The following PDE4D variants were observed in gnomAD, a reference collection of about 807,000 sequenced individuals.
PDE4D encodes the protein 3',5'-cyclic-AMP phosphodiesterase 4D.
PDE4D carries 24 observed loss-of-function variants against 87.4 expected under a neutral mutation model. That is an observed-to-expected ratio of 0.27 (90% CI 0.20 to 0.39). PDE4D has a LOEUF of 0.39. PDE4D is among the 10% of genes least tolerant of loss of function. The pLI, the probability that PDE4D is intolerant of heterozygous loss-of-function variation, is 1.00. For missense variants in PDE4D, 714 were observed against 1,041.0 expected, an observed-to-expected ratio of 0.69 and a Z score of 4.32; for synonymous variants, 384 against 383.2, an observed-to-expected ratio of 1.00 and a Z score of -0.02.
At chr5:59,246,364 G>C (rs1450615868) in intron 1 of PDE4D, among the ~76,000 whole-genome samples, 2 of 151,980 alleles carry the variant, frequency 1.3e-5, no homozygotes, top group Admixed American at 1.3e-4. Context: ...AAATGAGCTT[G>C]CCATTACAGA....
intron 2 of PDE4D, among the ~76,000 whole-genome samples, chr5:60,051,707 T>TA (rs1770174857): frequency 6.6e-6 from 1 of 150,694 alleles, no homozygotes. Context: ...TTGAAGGAGA[T>TA]ACAGACATGA....
At chr5:59,982,778 C>A (rs1326270461) in intron 3 of PDE4D, among the ~76,000 whole-genome samples, 3 of 152,138 alleles carry the variant, frequency 2.0e-5, no homozygotes, top group African/African-American at 7.2e-5. Context: ...TGATTGACTC[C>A]CAAATCTGCT....
At chr5:60,241,144 T>G (rs1371618922) in intron 1 of PDE4D, among the ~76,000 whole-genome samples, 1 of 151,954 alleles carries the variant, frequency 6.6e-6, no homozygotes, top group Non-Finnish European at 1.5e-5. Flanking sequence ...AAGAAGGAAT[T>G]TAGAATAATA....
At chr5:59,306,236 A>G (rs1771332886) in intron 1 of PDE4D, among the ~76,000 whole-genome samples, 1 of 152,140 alleles carries the variant, frequency 6.6e-6, no homozygotes, top group Non-Finnish European at 1.5e-5. Context: ...GTCCATTTGC[A>G]TGGAAAGTCT....
chr5:60,217,809 T>C (rs1371762840), intron 1 of PDE4D, among the ~76,000 whole-genome samples: 2 of 151,960 alleles, frequency 1.3e-5, no homozygotes, highest in Non-Finnish European at 2.9e-5. Context: ...AGGATATTAT[T>C]ATTAATTAGA....
intron 2 of PDE4D, among the ~76,000 whole-genome samples, chr5:60,043,310 CTT>C (rs1320943085): frequency 3.3e-5 from 5 of 152,028 alleles, no homozygotes; most frequent in African/African-American, 1.2e-4. Flanking sequence ...AAAAAACAAA[CTT>C]ACGTTTGATT....
chr5:60,177,081 T>C (rs899917652), intron 2 of PDE4D, among the ~76,000 whole-genome samples: 2 of 152,188 alleles, frequency 1.3e-5, no homozygotes, highest in Admixed American at 6.5e-5. Context: ...TTCTACACTA[T>C]GATTTTTTCC....
intron 1 of PDE4D, among the ~76,000 whole-genome samples, chr5:60,193,690 A>G (rs1740833470): frequency 1.4e-5 from 2 of 144,400 alleles, no homozygotes; most frequent in Admixed American, 6.7e-5. Flanking sequence ...AAAAAAAAAA[A>G]AAGAAAGAAA....
chr5:59,602,656 T>C (rs1473665960), intron 1 of PDE4D, among the ~76,000 whole-genome samples: 4 of 151,932 alleles, frequency 2.6e-5, no homozygotes, highest in Non-Finnish European at 5.9e-5. Context: ...AAAATTCCAA[T>C]ACCATTCTTC....
intron 2 of PDE4D, among the ~76,000 whole-genome samples, chr5:60,001,568 T>A (rs945192487): frequency 1.3e-5 from 2 of 152,132 alleles, no homozygotes; most frequent in Admixed American, 6.5e-5. Flanking sequence ...TACAACTCAC[T>A]GGAAAAGGTA....
At chr5:59,477,759 C>T (rs992737926) in intron 1 of PDE4D, among the ~76,000 whole-genome samples, 1 of 152,032 alleles carries the variant, frequency 6.6e-6, no homozygotes, top group African/African-American at 2.4e-5. Flanking sequence ...ATATGTTCAT[C>T]TCCACACTGT....
chr5:60,262,203 A>G (rs1749716070), intron 1 of PDE4D, among the ~76,000 whole-genome samples: 1 of 152,166 alleles, frequency 6.6e-6, no homozygotes, highest in Non-Finnish European at 1.5e-5. Context: ...TAGAATGGTT[A>G]GTCAACTACA....
In PDE4D at chr5:59,761,110, T is replaced by C. The variant is rs534542133; in HGVS notation, c.455+132058A>G. 1.6e-3 allele frequency among the ~76,000 whole-genome samples: 238 copies of C among 152,340 alleles called. 1 individual carries two copies. Among genetic ancestry groups the C allele is most frequent in the African/African-American group, 5.6e-3 (231 of 41,580 alleles). ...TACAGCATGTTATTCTACTGACTAT[T>C]GTGGGCAATCATAACACAATGGTTA... On this transcript the variant is annotated intron_variant, in intron 1 of 14. Transcript: ENST00000340635.
chr5:59,923,439 C>T (rs368358408), intron 3 of PDE4D, among the ~76,000 whole-genome samples: 5 of 152,336 alleles, frequency 3.3e-5, no homozygotes, highest in Admixed American at 1.3e-4. Context: ...TCTGACCCAG[C>T]GCCATCCCAG....
intron 2 of PDE4D, among the ~76,000 whole-genome samples, chr5:60,056,026 G>C (rs1770741408): frequency 1.3e-5 from 2 of 152,026 alleles, no homozygotes; most frequent in African/African-American, 4.8e-5. Context: ...CTTGCTGTAT[G>C]ATTTTCTCAG....
At chr5:60,351,848 C>T (rs1423952153) in intron 1 of PDE4D, among the ~76,000 whole-genome samples, 4 of 151,430 alleles carry the variant, frequency 2.6e-5, no homozygotes, top group African/African-American at 9.7e-5. Context: ...TTCCATCACC[C>T]AGGCTAGAGT....
chr5:59,382,387 A>C lies in PDE4D; in HGVS notation c.456-166419T>G, dbSNP rs920850611. Reference sequence around the variant, plus strand: ...AAGTGATACCATACCTCTATTCCACAAGCAAAAAAAATTTCCAAACTTACC... The same window carrying C: ...AAGTGATACCATACCTCTATTCCACCAGCAAAAAAAATTTCCAAACTTACC... On this transcript the variant is annotated intron_variant, in intron 1 of 14. Transcript: ENST00000340635. Among the ~76,000 whole-genome samples, 4 of 152,354 alleles carry C rather than the reference A, an allele frequency of 2.6e-5. No individual in the cohort carries two copies. The East Asian group carries it at 7.7e-4, about 29-fold the overall frequency.
At chr5:60,074,430 T>C (rs1219610150) in intron 2 of PDE4D, among the ~76,000 whole-genome samples, 1 of 152,198 alleles carries the variant, frequency 6.6e-6, no homozygotes, top group Non-Finnish European at 1.5e-5. Flanking sequence ...AGTCTGATTA[T>C]GTGATCAACT....
chr5:59,080,359 G>A (rs539787671), intron 5 of PDE4D, among the ~76,000 whole-genome samples: 1 of 152,272 alleles, frequency 6.6e-6, no homozygotes, highest in South Asian at 2.1e-4. Context: ...ACAGTCCCAC[G>A]AAGAATCGTG....
Sources: allele counts gnomAD v4.1 joint callset (sites outside exome capture counted in the v4.1 genomes callset), GRCh38; gene constraint gnomAD v4.1.1; transcripts MANE v1.5; gene names NCBI Gene and HGNC (gene_info 2026-07-23, HGNC 2026-07-21).